The following EMC8 variants were observed in gnomAD, a reference collection of about 807,000 sequenced individuals.
EMC8 encodes COX4 neighbor.
In EMC8, 11 loss-of-function variants were observed where a neutral mutation model predicts 24.3. That is an observed-to-expected ratio of 0.45 (90% confidence interval 0.28 to 0.75). The LOEUF (loss-of-function observed/expected upper bound fraction) is 0.75. Among genes scored for constraint, EMC8 ranks in the 30% least tolerant of loss-of-function variants. EMC8 has a pLI of 0.12. For synonymous variants in EMC8, 145 were observed against 117.7 expected (o/e 1.23, Z -1.50); for missense variants, 277 against 282.7 (o/e 0.98, Z 0.14).
intron 3 of EMC8, 34 bp from the exon 4 acceptor site, chr16:85,780,507 G>T (rs1357519098): frequency 6.5e-7 from 1 of 1,541,078 alleles, no homozygotes; most frequent in African/African-American, 1.4e-5. Context: ...AGAGTGAACA[G>T]AATGCCAGCC....
intron 1 of EMC8, among the ~76,000 whole-genome samples, chr16:85,797,509 A>C (rs1905285348): frequency 6.6e-6 from 1 of 152,252 alleles, no homozygotes; most frequent in Admixed American, 6.5e-5. Flanking sequence ...AAGAGCTAAA[A>C]TACTTAGTTT....
At chr16:85,788,231 G>C (rs578145013) in intron 2 of EMC8, among the ~76,000 whole-genome samples, 4 of 152,256 alleles carry the variant, frequency 2.6e-5, no homozygotes, top group Admixed American at 6.5e-5. Flanking sequence ...GGCTGGCTGT[G>C]GCCACCTGCC....
rs185506458 is a variant in EMC8, at chr16:85,784,059, C to A, written c.309-2779G>T. ...TGTCGCCTAGGCTGGAGTGCAGTGG[C>A]GCGATCTCGGCTCACTGCAAGCTCT... On this transcript the variant is annotated intron_variant, in intron 2 of 4. Coordinates refer to ENST00000253457, the MANE Select transcript of EMC8 (RefSeq NM_006067.5). Among the ~76,000 whole-genome samples, 12 of 152,178 alleles carry A rather than the reference C, an allele frequency of 7.9e-5. No individual in the cohort carries two copies. In the East Asian group the frequency reaches 2.1e-3, roughly 27 times the overall value.
chr16:85,788,404 C>G (rs1190923287), intron 2 of EMC8, among the ~76,000 whole-genome samples: 2 of 152,290 alleles, frequency 1.3e-5, no homozygotes, highest in Non-Finnish European at 2.9e-5. Context: ...CAGATTATCA[C>G]CACCTGAGTG....
intron 1 of EMC8, 107 bp downstream of exon 1, chr16:85,798,958 C>G (rs1368022237): frequency 1.4e-6 from 1 of 737,516 alleles, no homozygotes. Context: ...CCCTAGGGAG[C>G]GGGTCCTAGG....
At chr16:85,786,484 A>C (rs980579483) in intron 2 of EMC8, among the ~76,000 whole-genome samples, 3 of 152,140 alleles carry the variant, frequency 2.0e-5, no homozygotes, top group African/African-American at 7.2e-5. Context: ...AGGATGAAAT[A>C]AAATGACCCC....
chr16:85,799,501 C>G lies in EMC8; in HGVS notation c.-206G>C, dbSNP rs1042593534. 5.1e-6 allele frequency: 2 copies of G among 393,494 alleles called. No homozygotes were observed. The highest frequency in any genetic ancestry group is 8.9e-6 in the Non-Finnish European group (2 of 223,938). 24.4% of individuals were successfully genotyped at this position (393,494 alleles called of 1,614,324 possible). A position where few individuals can be genotyped will look rare whatever the true frequency, so the allele number is the denominator to read the frequency against. ...GACTCGCGCCTCTGGGAAGCCGCAG[C>G]CCCAGACTCCAGTCGCGCTTCTCGC... On this transcript the variant is annotated 5_prime_UTR_variant, in exon 1 of 5. Coordinates refer to ENST00000253457, the MANE Select transcript of EMC8 (RefSeq NM_006067.5). This position sits in a 1 kb window ranked among gnomAD's most constrained non-coding sequence, Gnocchi z 4.2.
intron 3 of EMC8, chr16:85,780,764 T>C (rs16939695): frequency 0.015 from 7,323 of 499,542 alleles, 424 homozygotes; most frequent in African/African-American, 0.13. Context: ...GCAAGGCCCT[T>C]GATGTCATCT....
rs1414218495 is a variant in EMC8 at position 85,799,139 on chromosome 16, G to C, written c.157C>G (p.Leu53Val). Reference protein sequence around the residue: ...PLGGPGAHHTLFVDCIPLFHG... With the variant: ...PLGGPGAHHTVFVDCIPLFHG... ...AAGAGGGGGATGCAGTCCACGAAGA[G>C]GGTGTGGTGGGCGCCGGGGCCGCCC... The change falls in exon 1 of 5, where the codon CTC (leucine) becomes GTC (valine). Residue 53 changes from leucine to valine, a missense_variant. Transcript: ENST00000253457. The surrounding 1 kb of genome is among the most constrained non-coding windows in gnomAD (Gnocchi z 4.2). 3.7e-6 allele frequency: 6 copies of C among 1,602,668 alleles called. No homozygotes were observed. Among genetic ancestry groups the C allele is most frequent in the African/African-American group, 1.3e-5 (1 of 74,720 alleles).
rs970807363 is a variant in EMC8, at chr16:85,779,460, G to C, written c.*248C>G. On this transcript the variant is annotated 3_prime_UTR_variant, in exon 5 of 5. Transcript: ENST00000253457. The stretch of plus-strand genomic sequence containing the variant: ...CACAAGCAGAAAGAGCTTTGATTTG[G>C]AGGATTATAGCAACATACAACTGAG... 3 of 389,814 alleles carry C rather than the reference G, an allele frequency of 7.7e-6. No individual in the cohort carries two copies. In the South Asian group the frequency reaches 1.2e-4, roughly 15 times the overall value. The allele number at this position is 389,814 out of a possible 1,614,324, so 24.1% of individuals were successfully genotyped here. A position where few individuals can be genotyped will look rare whatever the true frequency, so the allele number is the denominator to read the frequency against.
intron 1 of EMC8, among the ~76,000 whole-genome samples, chr16:85,791,643 A>T (rs1479324342): frequency 6.6e-6 from 1 of 152,180 alleles, no homozygotes; most frequent in East Asian, 1.9e-4. Context: ...AGAAGTCTAT[A>T]ATGGGTCAGC....
Position 85,779,620 on chromosome 16 carries a change from G to C in EMC8, c.*88C>G. 1 of 1,378,328 alleles carries C rather than the reference G, an allele frequency of 7.3e-7. No homozygotes were observed. The highest frequency in any genetic ancestry group is 1.0e-6 in the Non-Finnish European group (1 of 979,398). 85.4% of individuals were successfully genotyped at this position (1,378,328 alleles called of 1,614,324 possible). On this transcript the variant is annotated 3_prime_UTR_variant, in exon 5 of 5. Coordinates refer to ENST00000253457, the MANE Select transcript of EMC8 (RefSeq NM_006067.5). ...TTAAAACGGTCAGCTTTCCACACAG[G>C]CTACAAGATATTTTATTTACATTTA...
chr16:85,780,926 G>A (rs916788068), intron 3 of EMC8: 2 of 500,790 alleles, frequency 4.0e-6, no homozygotes, highest in Non-Finnish European at 7.2e-6. Flanking sequence ...TTCTGATTCA[G>A]TGGGGTCTGG....
In EMC8 at chr16:85,798,060, T is replaced by C. The variant is rs967238683; in HGVS notation, c.231+1005A>G. ...AAAGCTGTCATTGCAAACAAAAACA[T>C]AAAAGCGTGTTGGACAGATCGTCTG... On this transcript the variant is annotated intron_variant, in intron 1 of 4. Coordinates refer to ENST00000253457, the MANE Select transcript of EMC8 (RefSeq NM_006067.5). Among the ~76,000 whole-genome samples the C allele has an allele frequency of 3.4e-5, 5 of 147,986 alleles. No homozygotes were observed. In the East Asian group the frequency reaches 6.1e-4, roughly 18 times the overall value.
intron 1 of EMC8, among the ~76,000 whole-genome samples, chr16:85,794,594 C>A (rs895488881): frequency 2.0e-5 from 3 of 152,060 alleles, no homozygotes; most frequent in Admixed American, 6.6e-5. Flanking sequence ...GAGGCTGAGG[C>A]GGGAGAATCG....
chr16:85,797,911 C>T (rs376741917), intron 1 of EMC8, among the ~76,000 whole-genome samples: 60 of 152,252 alleles, frequency 3.9e-4, no homozygotes, highest in African/African-American at 1.4e-3. Context: ...TTTAACAACT[C>T]GATGGAATTT....
intron 1 of EMC8, among the ~76,000 whole-genome samples, chr16:85,791,141 G>T (rs1904992201): frequency 6.6e-6 from 1 of 151,174 alleles, no homozygotes; most frequent in African/African-American, 2.4e-5. Context: ...TTTTTTTAAG[G>T]CAAGAAATAA....
At position 85,779,761 on chromosome 16, in the gene EMC8, G is replaced by C; in HGVS notation, c.580C>G (p.Arg194Gly). The C allele has an allele frequency of 6.2e-7, 1 of 1,614,204 alleles. No individual in the cohort carries two copies. The highest frequency in any genetic ancestry group is 8.5e-7 in the Non-Finnish European group (1 of 1,180,032). Residue 194 changes from arginine (R) to glycine (G), a missense_variant, in exon 5 of 5, where the codon CGG (arginine) becomes GGG (glycine). By Grantham distance (125) the Arg-to-Gly change is moderately radical. Coordinates refer to ENST00000253457, the MANE Select transcript of EMC8 (RefSeq NM_006067.5). ...VDFDNHLDDI[R>G]NDWTNPEINK... ...ATCTCTGGGTTTGTCCAGTCATTCC[G>C]AATGTCATCCAGGTGGTTATCGAAA...
Position 85,798,998 on chromosome 16 carries a change from CT to C in EMC8, c.231+66del, listed in dbSNP as rs1377283358. ...TGCTGGAGGGCGACCGCTGGGCCAG[CT>C]TCCTCTCTGCTGACTGAGGGGAGGC... On this transcript the variant is annotated intron_variant, in intron 1 of 4. Coordinates refer to ENST00000253457, the MANE Select transcript of EMC8 (RefSeq NM_006067.5). 31 of 1,176,736 alleles carry C rather than the reference CT, an allele frequency of 2.6e-5. No individual in the cohort carries two copies. The East Asian group carries it at 8.0e-4, about 30-fold the overall frequency. 72.9% of individuals were successfully genotyped at this position (1,176,736 alleles called of 1,614,324 possible). A position where few individuals can be genotyped will look rare whatever the true frequency, so the allele number is the denominator to read the frequency against.
Sources: allele counts gnomAD v4.1 joint callset (sites outside exome capture counted in the v4.1 genomes callset), GRCh38; gene constraint gnomAD v4.1.1; non-coding constraint Gnocchi (gnomAD v3.1); transcripts MANE v1.5; gene names NCBI Gene and HGNC (gene_info 2026-07-23, HGNC 2026-07-21).